Variants in ESPNL observed in about 807,000 individuals in gnomAD.
The protein encoded by ESPNL is espin-like protein.
Under a neutral mutation model 46.8 loss-of-function variants are expected in ESPNL, and 49 were observed. The observed-to-expected ratio is 1.05, with a 90% CI of 0.83 to 1.33. ESPNL has a LOEUF of 1.33. Ranked by LOEUF, ESPNL falls within the 40% of genes most tolerant of loss-of-function variation. ESPNL has a pLI of 0.00. For synonymous variants in ESPNL, 664 were observed against 662.1 expected, an observed-to-expected ratio of 1.00 and a Z score of -0.04; for missense variants, 1,540 against 1,436.6, an observed-to-expected ratio of 1.07 and a Z score of -1.16.
At chr2:238,125,752 G>C (rs1692090693) in intron 6 of ESPNL, among the ~76,000 whole-genome samples, 1 of 142,942 alleles carries the variant, frequency 7.0e-6, no homozygotes, top group South Asian at 2.2e-4. Context: ...CCACCATTAG[G>C]GGTCTGTGAC....
chr2:238,120,327 A>T (rs1691958112), intron 5 of ESPNL, among the ~76,000 whole-genome samples: 1 of 152,066 alleles, frequency 6.6e-6, no homozygotes, highest in South Asian at 2.1e-4. Context: ...AGCCGAGATT[A>T]GCAGGTGGGG....
Position 238,128,634 on chromosome 2 carries a change from T to G in ESPNL, c.1216-73T>G. Reference sequence around the variant, plus strand: ...CCCTGGGCGGAGCCAACCCCCCACGTCCTCTCGGATCTTCCCTCCACTCAG... The same window carrying G: ...CCCTGGGCGGAGCCAACCCCCCACGGCCTCTCGGATCTTCCCTCCACTCAG... On this transcript the variant is annotated intron_variant, in intron 7 of 8. Transcript: ENST00000343063. 3.4e-6 allele frequency: 5 copies of G among 1,460,644 alleles called. 1 individual carries two copies. The highest frequency in any genetic ancestry group is 4.7e-6 in the Non-Finnish European group (5 of 1,072,716). The allele number at this position is 1,460,644 out of a possible 1,614,324, so 90.5% of individuals were successfully genotyped here.
intron 7 of ESPNL, 58 bp downstream of exon 7, chr2:238,127,792 C>T: frequency 2.2e-6 from 3 of 1,360,072 alleles, no homozygotes; most frequent in South Asian, 2.5e-5. Context: ...CCTCCATTCC[C>T]ATCCTCTTAG....
At chr2:238,122,597 C>T (rs1210084950) in intron 5 of ESPNL, among the ~76,000 whole-genome samples, 1 of 152,218 alleles carries the variant, frequency 6.6e-6, no homozygotes, top group African/African-American at 2.4e-5. Context: ...CTAACTTCCA[C>T]CTCTTTTGTC....
Position 238,131,165 on chromosome 2 carries a change from C to A in ESPNL, c.2451C>A (p.His817Gln). The A allele has an allele frequency of 6.5e-7, 1 of 1,545,050 alleles. No individual in the cohort carries two copies. The highest frequency in any genetic ancestry group is 8.7e-7 in the Non-Finnish European group (1 of 1,146,622). The change falls in exon 9 of 9, where the codon CAC (histidine) becomes CAA (glutamine). Residue 817 changes from histidine (H) to glutamine (Q), a missense_variant. Coordinates refer to ENST00000343063, the MANE Select transcript of ESPNL (RefSeq NM_194312.4). ...GCAACTGGAAGGCCATCATGGCTCACGTGCCCGCCCGGCAGCTGCGGCGGC... is the reference window on the plus strand; with the variant it reads ...GCAACTGGAAGGCCATCATGGCTCAAGTGCCCGCCCGGCAGCTGCGGCGGC... ...LLGNWKAIMA[H>Q]VPARQLRRLS... is the part of the protein sequence containing the mutation.
Position 238,130,661 on chromosome 2 carries a change from G to A in ESPNL, c.1947G>A (p.Gly649=). ...CCCAGCGCCAGATCCAGGAGTGGGG[G>A]GTGTCTGTGCGGACGCTGCGGGGCA... The part of the protein sequence containing the change: ...SEAQRQIQEW[G]VSVRTLRGNF... Residue 649 remains glycine (G), a synonymous_variant, in exon 9 of 9, where the codon GGG becomes GGA. Coordinates refer to ENST00000343063, the MANE Select transcript of ESPNL (RefSeq NM_194312.4). 3 of 1,561,826 alleles carry A rather than the reference G, an allele frequency of 1.9e-6. No homozygotes were observed. Among genetic ancestry groups the A allele is most frequent in the Non-Finnish European group, 1.7e-6 (2 of 1,153,396 alleles).
At chr2:238,102,854 G>A (rs937689359) in intron 2 of ESPNL, among the ~76,000 whole-genome samples, 6 of 152,192 alleles carry the variant, frequency 3.9e-5, no homozygotes, top group East Asian at 1.9e-4. Flanking sequence ...CTCTGACCAC[G>A]GCTCTTCTCT....
At chr2:238,118,548 A>AGG (rs1691880762) in intron 5 of ESPNL, among the ~76,000 whole-genome samples, 1 of 93,856 alleles carries the variant, frequency 1.1e-5, no homozygotes, top group Non-Finnish European at 2.1e-5. Context: ...GAATGGATGG[A>AGG]AGAGGTGGAT....
chr2:238,125,502 C>A, intron 6 of ESPNL, 118 bp downstream of exon 6: 2 of 497,670 alleles, frequency 4.0e-6, no homozygotes. Flanking sequence ...GGCACCCCAT[C>A]ACCCTCCCTC....
rs116200121 is a variant in ESPNL at position 238,103,507 on chromosome 2, C to T, written c.486-1149C>T. Reference sequence around the variant, plus strand: ...CACACGCACACACAAATGGGAAGGTCCTGTACCCCCGGCCTAGTTCCCGCC... The same window carrying T: ...CACACGCACACACAAATGGGAAGGTTCTGTACCCCCGGCCTAGTTCCCGCC... On this transcript the variant is annotated intron_variant, in intron 2 of 8. Transcript: ENST00000343063. Among the ~76,000 whole-genome samples, 159 of 152,300 alleles carry T rather than the reference C, an allele frequency of 1.0e-3. 1 individual carries two copies. Among genetic ancestry groups the T allele is most frequent in the African/African-American group, 3.5e-3 (147 of 41,556 alleles).
chr2:238,130,056 G>A, intron 8 of ESPNL, 72 bp from the exon 9 acceptor site: 2 of 1,522,020 alleles, frequency 1.3e-6, no homozygotes, highest in Admixed American at 3.8e-5. Context: ...AGAACTCAGG[G>A]ACTTGGAAGC....
At chr2:238,102,493 G>A (rs910240984) in intron 2 of ESPNL, among the ~76,000 whole-genome samples, 1 of 152,186 alleles carries the variant, frequency 6.6e-6, no homozygotes, top group Non-Finnish European at 1.5e-5. Context: ...CTGGCAACCT[G>A]TGAGGGCACC....
At position 238,131,876 on chromosome 2, in the gene ESPNL, G is replaced by A. The variant is rs1692350712; in HGVS notation, c.*144G>A. On this transcript the variant is annotated 3_prime_UTR_variant, in exon 9 of 9. Transcript: ENST00000343063. ...ACCAGTTATCGGAGGCTGCGGGACT[G>A]TTCTGTTGTGGCATGGTTCTCCTCC... is the stretch of plus-strand genomic sequence containing the variant. 1.2e-6 allele frequency: 1 copy of A among 864,412 alleles called. No homozygotes were observed. The highest frequency in any genetic ancestry group is 1.7e-5 in the South Asian group (1 of 58,232). The allele number at this position is 864,412 out of a possible 1,614,324, so 53.5% of individuals were successfully genotyped here.
intron 5 of ESPNL, among the ~76,000 whole-genome samples, chr2:238,124,356 G>T (rs114347985): frequency 0.066 from 10,002 of 152,252 alleles, 510 homozygotes; most frequent in African/African-American, 0.14. Flanking sequence ...TGGGGACAAG[G>T]GCTGCCCATG....
chr2:238,129,997 C>A, intron 8 of ESPNL, 131 bp from the exon 9 acceptor site: 1 of 1,059,666 alleles, frequency 9.4e-7, no homozygotes, highest in Admixed American at 2.8e-5. Context: ...CTGGGAAGCC[C>A]TTTAAAGTCT....
chr2:238,118,723 A>G (rs1408396781), intron 5 of ESPNL, among the ~76,000 whole-genome samples: 6 of 83,692 alleles, frequency 7.2e-5, no homozygotes, highest in Non-Finnish European at 9.0e-5. Flanking sequence ...TGGAGGAGGA[A>G]TGGATGGAGG....
Position 238,131,560 on chromosome 2 carries a change from G to C in ESPNL, c.2846G>C (p.Gly949Ala). The C allele has an allele frequency of 6.2e-7, 1 of 1,611,048 alleles. No individual in the cohort carries two copies. Among genetic ancestry groups the C allele is most frequent in the Non-Finnish European group, 8.5e-7 (1 of 1,179,014 alleles). The change falls in exon 9 of 9, where the codon GGG becomes GCG. Residue 949 changes from glycine (G) to alanine (A), a missense_variant. Transcript: ENST00000343063. ...CGCAAGTCAGGTCTGACCCTGCTCG[G>C]GCCCCTGCCTCACGCCGCCGTCCCC... ...PGRKSGLTLLGPLPHAAVPCS... is the reference protein window; with the variant it reads ...PGRKSGLTLLAPLPHAAVPCS...
intron 5 of ESPNL, among the ~76,000 whole-genome samples, chr2:238,124,238 G>A (rs994496865): frequency 1.3e-5 from 2 of 152,246 alleles, no homozygotes; most frequent in Non-Finnish European, 2.9e-5. Flanking sequence ...AGCCCTGATG[G>A]CCACGTCTGG....
rs761505902 is a variant in ESPNL, at chr2:238,119,562, GAA to G, written c.987+2529_987+2530del. Among the ~76,000 whole-genome samples the G allele has an allele frequency of 1.1e-3, 106 of 94,190 alleles. 1 individual carries two copies. The highest frequency in any genetic ancestry group is 3.8e-3 in the African/African-American group (81 of 21,330). The allele number at this position is 94,190 out of a possible 152,430, so 61.8% of individuals were successfully genotyped here. On this transcript the variant is annotated intron_variant, in intron 5 of 8. Transcript: ENST00000343063. ...TGGATGGAGGAGGTGGATGAAGGAG[GAA>G]TGGATGGAGGAGGTGGATGGAGGAG... is the stretch of plus-strand genomic sequence containing the variant.
Sources: gnomAD v4.1 joint callset for allele counts (sites outside exome capture counted in the v4.1 genomes callset) on GRCh38, gnomAD v4.1.1 for gene constraint, MANE v1.5 for transcripts, NCBI Gene and HGNC (gene_info 2026-07-23, HGNC 2026-07-21) for gene names.